The following SYK variants were observed in gnomAD, a reference collection of about 807,000 sequenced individuals.
SYK encodes tyrosine-protein kinase SYK.
A neutral mutation model predicts 77.8 loss-of-function variants in SYK; 16 were observed. The ratio of observed to expected loss-of-function variants is 0.21; its 90% CI spans 0.14 to 0.31. SYK has a LOEUF of 0.31. Ranked by LOEUF, SYK falls within the 10% of genes least tolerant of loss-of-function variation. The pLI is 1.00. For synonymous variants in SYK, 312 were observed against 308.7 expected, an observed-to-expected ratio of 1.01 and a Z score of -0.11; for missense variants, 529 against 814.4, an observed-to-expected ratio of 0.65 and a Z score of 4.26.
chr9:90,815,965 TGAGTGTTAGGGCTGGGAAAA>T (rs2118355082), intron 1 of SYK, among the ~76,000 whole-genome samples: 1 of 152,372 alleles, frequency 6.6e-6, no homozygotes, highest in Non-Finnish European at 1.5e-5. Flanking sequence ...GGAGAGATTC[TGAGTGTTAGGGCTGGGAAAA>T]GAGCACTCTG....
intron 1 of SYK, among the ~76,000 whole-genome samples, chr9:90,825,075 A>C (rs1825626901): frequency 6.6e-6 from 1 of 151,396 alleles, no homozygotes; most frequent in Admixed American, 6.6e-5. Context: ...AACTATTGAA[A>C]TTTGAAATAA....
intron 1 of SYK, among the ~76,000 whole-genome samples, chr9:90,835,024 TG>T (rs1156364853): frequency 1.3e-5 from 2 of 152,072 alleles, no homozygotes; most frequent in Non-Finnish European, 2.9e-5. Context: ...TGGCATCTAG[TG>T]GGGAGAGGCC....
chr9:90,857,612 A>G (rs1165361548), intron 3 of SYK, among the ~76,000 whole-genome samples: 1 of 152,190 alleles, frequency 6.6e-6, no homozygotes, highest in African/African-American at 2.4e-5. Context: ...AGCACTCAGA[A>G]GTTGCATTAT....
intron 11 of SYK, among the ~76,000 whole-genome samples, chr9:90,882,258 G>A (rs905941067): frequency 6.6e-6 from 1 of 152,192 alleles, no homozygotes; most frequent in Admixed American, 6.5e-5. Flanking sequence ...TGACTTGTAA[G>A]ATCAAAATTT....
rs1828418919 is a variant in SYK, at chr9:90,884,735, G to GCACA, written c.1582-3014_1582-3013insCACA. Among the ~76,000 whole-genome samples the GCACA allele has an allele frequency of 3.9e-4, 6 of 15,196 alleles. 3 individuals are homozygous for GCACA. The highest frequency in any genetic ancestry group is 1.5e-3 in the Admixed American group (2 of 1,328). The allele number at this position is 15,196 out of a possible 152,430, so 10.0% of individuals were successfully genotyped here. The stretch of plus-strand genomic sequence containing the variant: ...TACACATATACACATATGTGTACAT[G>GCACA]TACATATACACATATACACATATGT... On this transcript the variant is annotated intron_variant, in intron 11 of 13. Transcript: ENST00000375754.
chr9:90,894,000 G>A (rs535689914), intron 13 of SYK, among the ~76,000 whole-genome samples: 7 of 152,346 alleles, frequency 4.6e-5, no homozygotes, highest in Admixed American at 4.6e-4. Context: ...TCCCATGGAT[G>A]TACAGGAGAG....
At chr9:90,808,529 A>C (rs919791685) in intron 1 of SYK, among the ~76,000 whole-genome samples, 1 of 150,322 alleles carries the variant, frequency 6.7e-6, no homozygotes, top group Admixed American at 6.6e-5. Context: ...CCTGTCCCAC[A>C]TGAGATAGGA....
intron 1 of SYK, among the ~76,000 whole-genome samples, chr9:90,808,503 GGCT>G (rs1353918307): frequency 6.7e-6 from 1 of 150,058 alleles, no homozygotes; most frequent in Non-Finnish European, 1.5e-5. Flanking sequence ...AGTCTTTTAA[GGCT>G]GCATTCTTGC....
rs1733647036 is a variant in SYK at position 90,896,829 on chromosome 9, C to G, written c.*1229C>G. ...ATCACTTGAGGTAAGGAGTTTGAGA[C>G]TAGCCTGGCCAATATGGTAAAACCC... On this transcript the variant is annotated 3_prime_UTR_variant, in exon 14 of 14. Transcript: ENST00000375754. 4.7e-6 allele frequency: 1 copy of G among 211,484 alleles called. No individual in the cohort carries two copies. The highest frequency in any genetic ancestry group is 1.9e-4 in the South Asian group (1 of 5,318). 13.1% of individuals were successfully genotyped at this position (211,484 alleles called of 1,614,324 possible).
At chr9:90,813,408 T>C (rs776066567) in intron 1 of SYK, among the ~76,000 whole-genome samples, 2 of 151,784 alleles carry the variant, frequency 1.3e-5, no homozygotes, top group East Asian at 3.9e-4. Context: ...ATAAAATCTC[T>C]AGAATTGTGG....
intron 7 of SYK, 88 bp downstream of exon 7, chr9:90,867,287 G>A: frequency 7.5e-7 from 1 of 1,331,796 alleles, no homozygotes; most frequent in Non-Finnish European, 1.1e-6. Flanking sequence ...CCCTGTGTGT[G>A]CGCTGCCCCC....
At chr9:90,865,823 A>G (rs2991215) in intron 6 of SYK, among the ~76,000 whole-genome samples, 108,429 of 150,922 alleles carry the variant, frequency 0.72, 39,251 homozygotes, top group Non-Finnish European at 0.77. Context: ...CCTGTTAGGA[A>G]GTCAGGTACA....
chr9:90,883,816 G>C (rs1047366672), intron 11 of SYK, among the ~76,000 whole-genome samples: 1 of 152,022 alleles, frequency 6.6e-6, no homozygotes, highest in African/African-American at 2.4e-5. Flanking sequence ...CTGCCCACAT[G>C]CCCAGCCACT....
chr9:90,877,815 T>TC (rs1239721704), intron 10 of SYK, 35 bp downstream of exon 10: 2 of 1,611,138 alleles, frequency 1.2e-6, no homozygotes, highest in South Asian at 1.1e-5. Flanking sequence ...CTGGAAGCTA[T>TC]CCCCTAAGGG....
intron 1 of SYK, among the ~76,000 whole-genome samples, chr9:90,832,012 C>T (rs137973003): frequency 1.6e-4 from 24 of 152,182 alleles, no homozygotes; most frequent in African/African-American, 5.8e-4. Context: ...ACCATGAGTT[C>T]AAGGTTAATG....
chr9:90,812,494 G>A (rs937808265), intron 1 of SYK, among the ~76,000 whole-genome samples: 3 of 152,126 alleles, frequency 2.0e-5, no homozygotes, highest in Non-Finnish European at 4.4e-5. Context: ...GTGCTCTGGG[G>A]TGCAGCCTGC....
chr9:90,854,677 CGG>C (rs1564096686), intron 3 of SYK, among the ~76,000 whole-genome samples: 1 of 152,090 alleles, frequency 6.6e-6, no homozygotes, highest in Non-Finnish European at 1.5e-5. Context: ...CAGGGACCGA[CGG>C]TGAGTGCAGT....
chr9:90,865,053 G>A lies in SYK; in HGVS notation c.802G>A (p.Val268Ile). The A allele has an allele frequency of 6.2e-7, 1 of 1,614,194 alleles. No homozygotes were observed. The highest frequency in any genetic ancestry group is 8.5e-7 in the Non-Finnish European group (1 of 1,180,028). ...TCCATGCTCTCTCTAACCAGGAAAT[G>A]TTAATTTTGGAGGCCGTCCACAACT... Reference protein sequence around the residue: ...PCQKIGTQGNVNFGGRPQLPG... With the variant: ...PCQKIGTQGNINFGGRPQLPG... The change falls in exon 6 of 14, where the codon GTT (valine) becomes ATT (isoleucine). Residue 268 changes from valine to isoleucine, a missense_variant. By Grantham distance (29) the Val-to-Ile change is conservative. This residue lies in a region of SYK where 321 missense variants were observed against 433.1 expected (regional missense o/e 0.74). Coordinates refer to ENST00000375754, the MANE Select transcript of SYK (RefSeq NM_003177.7).
At chr9:90,883,356 TC>T (rs1342121804) in intron 11 of SYK, among the ~76,000 whole-genome samples, 2 of 151,940 alleles carry the variant, frequency 1.3e-5, no homozygotes, top group Non-Finnish European at 2.9e-5. Context: ...TCTGTGTCCT[TC>T]CTTGGGCCAG....
Sources: allele counts gnomAD v4.1 joint callset (sites outside exome capture counted in the v4.1 genomes callset), GRCh38; gene constraint gnomAD v4.1.1; regional missense constraint gnomAD v4.1.1; transcripts MANE v1.5; gene names NCBI Gene and HGNC (gene_info 2026-07-23, HGNC 2026-07-21).